SNX25: variants seen among roughly 807,000 people sequenced by gnomAD.
SNX25 encodes sorting nexin-25.
A neutral mutation model predicts 113.7 loss-of-function variants in SNX25; 62 were observed. The ratio of observed to expected loss-of-function variants is 0.55; its 90% CI spans 0.44 to 0.67. The LOEUF (loss-of-function observed/expected upper bound fraction) is 0.67. Ranked by LOEUF, SNX25 falls within the 30% of genes least tolerant of loss-of-function variation. SNX25 has a pLI of 0.00. For synonymous variants in SNX25, 421 were observed against 436.2 expected (o/e 0.97, Z 0.43); for missense variants, 1,014 against 1,161.0 (o/e 0.87, Z 1.84).
intron 1 of SNX25, among the ~76,000 whole-genome samples, chr4:185,218,230 G>A (rs376126924): frequency 8.5e-5 from 13 of 152,290 alleles, no homozygotes; most frequent in South Asian, 6.2e-4. Context: ...GATTACAGGC[G>A]CCCGCCATCA....
the SNX25 span, chr4:185,378,392 G>T: frequency 7.3e-7 from 1 of 1,378,054 alleles, no homozygotes. Flanking sequence ...CTCCTCCCTA[G>T]CTGAGAGACA....
chr4:185,303,921 T>C (rs1478763670), intron 6 of SNX25, among the ~76,000 whole-genome samples: 1 of 152,274 alleles, frequency 6.6e-6, no homozygotes, highest in East Asian at 1.9e-4. Context: ...CAGCCTCAGG[T>C]TGAAAAGTAA....
the SNX25 span, chr4:185,378,142 G>A: frequency 6.2e-7 from 1 of 1,613,890 alleles, no homozygotes; most frequent in Non-Finnish European, 8.5e-7. Flanking sequence ...GAGATACAGA[G>A]GCATAAAAGG....
At chr4:185,311,060 C>T (rs1282193382) in intron 7 of SNX25, among the ~76,000 whole-genome samples, 1 of 151,982 alleles carries the variant, frequency 6.6e-6, no homozygotes, top group African/African-American at 2.4e-5. Context: ...GATATTTTTC[C>T]ATCTTCCCTT....
At chr4:185,245,773 A>T (rs1744780673) in intron 1 of SNX25, among the ~76,000 whole-genome samples, 1 of 152,202 alleles carries the variant, frequency 6.6e-6, no homozygotes, top group Non-Finnish European at 1.5e-5. Context: ...TTTTCCCATC[A>T]TAGAAAACTT....
downstream of SNX25, chr4:185,374,371 T>C: frequency 6.2e-7 from 1 of 1,614,202 alleles, no homozygotes; most frequent in Non-Finnish European, 8.5e-7. Flanking sequence ...TAATAAGCTC[T>C]TCCGAGGTTG....
At chr4:185,280,613 G>C (rs1456138230) in intron 5 of SNX25, among the ~76,000 whole-genome samples, 1 of 152,128 alleles carries the variant, frequency 6.6e-6, no homozygotes, top group Non-Finnish European at 1.5e-5. Flanking sequence ...TTATCAGGCT[G>C]GTATAACAGA....
At chr4:185,323,041 A>C (rs1420102161) in intron 8 of SNX25, among the ~76,000 whole-genome samples, 2 of 152,224 alleles carry the variant, frequency 1.3e-5, no homozygotes, top group Admixed American at 1.3e-4. Context: ...AAAGCTGTCT[A>C]ATATAAGCTT....
intron 1 of SNX25, among the ~76,000 whole-genome samples, chr4:185,244,967 T>C (rs1287583619): frequency 2.0e-5 from 3 of 152,008 alleles, no homozygotes; most frequent in Non-Finnish European, 2.9e-5. Context: ...CCACTCCCAG[T>C]TGGGTGGCCT....
downstream of SNX25, among the ~76,000 whole-genome samples, chr4:185,368,051 G>A (rs949566114): frequency 3.3e-5 from 5 of 152,120 alleles, no homozygotes; most frequent in Admixed American, 2.6e-4. Flanking sequence ...GGTGGTGGGC[G>A]CCTGTGGTGC....
intron 1 of SNX25, among the ~76,000 whole-genome samples, chr4:185,235,819 A>T (rs1215607929): frequency 6.6e-6 from 1 of 152,232 alleles, no homozygotes; most frequent in Non-Finnish European, 1.5e-5. Flanking sequence ...GGATTGCTTG[A>T]GCCCTGCGGA....
chr4:185,267,219 TAAAAA>T, intron 5 of SNX25, 64 bp downstream of exon 5: 1 of 1,302,182 alleles, frequency 7.7e-7, no homozygotes, highest in South Asian at 1.4e-5. Context: ...CTAGTTAGGT[TAAAAA>T]AAAAAAAAAG....
chr4:185,305,422 T>C (rs546204805), intron 6 of SNX25, among the ~76,000 whole-genome samples: 1 of 152,326 alleles, frequency 6.6e-6, no homozygotes, highest in Admixed American at 6.5e-5. Context: ...TCTTTTTTTA[T>C]ACCTGAAAAG....
intron 1 of SNX25, among the ~76,000 whole-genome samples, chr4:185,220,589 C>A (rs1443074366): frequency 1.3e-5 from 2 of 149,074 alleles, no homozygotes; most frequent in Admixed American, 1.4e-4. Context: ...TCAAGCAATT[C>A]TCCTGCCTCA....
At chr4:185,297,330 T>G (rs1480651719) in intron 6 of SNX25, among the ~76,000 whole-genome samples, 1 of 152,186 alleles carries the variant, frequency 6.6e-6, no homozygotes, top group African/African-American at 2.4e-5. Flanking sequence ...ACAGAGGTTA[T>G]GTTGGGTAGC....
At chr4:185,314,320 T>A (rs2095052946) in intron 7 of SNX25, among the ~76,000 whole-genome samples, 1 of 83,396 alleles carries the variant, frequency 1.2e-5, no homozygotes, top group Non-Finnish European at 2.2e-5. Flanking sequence ...GACTCCCCTC[T>A]CTACAAAAAA....
intron 2 of SNX25, among the ~76,000 whole-genome samples, chr4:185,248,553 G>A (rs1745176803): frequency 1.3e-5 from 2 of 152,270 alleles, no homozygotes; most frequent in South Asian, 4.1e-4. Context: ...TTGGGAGGCT[G>A]AAGTGGGAGA....
chr4:185,306,516 T>G (rs931202815), intron 6 of SNX25, among the ~76,000 whole-genome samples: 1 of 152,232 alleles, frequency 6.6e-6, no homozygotes. Context: ...GGTTTTGTCC[T>G]TTTAGAAAGG....
intron 9 of SNX25, among the ~76,000 whole-genome samples, chr4:185,327,967 G>C (rs1182319588): frequency 6.6e-6 from 1 of 152,192 alleles, no homozygotes; most frequent in Non-Finnish European, 1.5e-5. Context: ...CAGTTCTTAA[G>C]ACATTTCTGA....
Sources: allele counts gnomAD v4.1 joint callset (sites outside exome capture counted in the v4.1 genomes callset), GRCh38; gene constraint gnomAD v4.1.1; transcripts MANE v1.5; gene names NCBI Gene and HGNC (gene_info 2026-07-23, HGNC 2026-07-21).